UBE4A: variants seen among roughly 807,000 people sequenced by gnomAD.
The protein encoded by UBE4A is ubiquitin conjugation factor E4 A.
A neutral mutation model predicts 117.9 loss-of-function variants in UBE4A; 48 were observed. The ratio of observed to expected loss-of-function variants is 0.41; its 90% confidence interval spans 0.32 to 0.52. The LOEUF (loss-of-function observed/expected upper bound fraction) is 0.52, where lower values mean the gene tolerates loss of function less well. Among genes scored for constraint, UBE4A ranks in the 20% least tolerant of loss-of-function variants. The pLI is 0.33. For missense variants in UBE4A, 1,067 were observed against 1,296.3 expected (o/e 0.82, Z 2.72); for synonymous variants, 407 against 450.0 (o/e 0.90, Z 1.21).
intron 10 of UBE4A, 31 bp downstream of exon 10, chr11:118,376,725 A>G (rs144798607): frequency 1.9e-6 from 3 of 1,607,850 alleles, no homozygotes; most frequent in African/African-American, 2.7e-5. Context: ...AGGAAAAAAC[A>G]GTTTAGTTGT....
chr11:118,388,610 C>T (rs1948781500), intron 16 of UBE4A, among the ~76,000 whole-genome samples: 1 of 150,762 alleles, frequency 6.6e-6, no homozygotes, highest in Non-Finnish European at 1.5e-5. Flanking sequence ...GATCACGCCA[C>T]TGCGCTCCAG....
At position 118,382,739 on chromosome 11, in the gene UBE4A, G is replaced by A; in HGVS notation, c.2160G>A (p.Glu720=). The A allele has an allele frequency of 6.2e-7, 1 of 1,600,188 alleles. No homozygotes were observed. Among genetic ancestry groups the A allele is most frequent in the Non-Finnish European group, 8.5e-7 (1 of 1,171,484 alleles). ...CNFQYAPQLA[E]ALIKVFVDIE... Reference sequence around the variant, plus strand: ...TTCAGTATGCACCCCAACTTGCAGAGGCTCTAATCAAGGTTTTTGTGGACA... The same window carrying A: ...TTCAGTATGCACCCCAACTTGCAGAAGCTCTAATCAAGGTTTTTGTGGACA... Residue 720 remains glutamate, a synonymous_variant, in exon 13 of 20, where the codon GAG becomes GAA. Coordinates refer to ENST00000252108, the MANE Select transcript of UBE4A (RefSeq NM_001204077.2).
intron 4 of UBE4A, among the ~76,000 whole-genome samples, 161 bp downstream of exon 4, chr11:118,369,696 C>T (rs1465495123): frequency 6.7e-6 from 1 of 148,774 alleles, no homozygotes; most frequent in Non-Finnish European, 1.5e-5. Flanking sequence ...CCTGGATGTG[C>T]ATCTCTAACA....
chr11:118,359,854 T>G (rs998302683), intron 1 of UBE4A, among the ~76,000 whole-genome samples, 180 bp downstream of exon 1: 1 of 152,170 alleles, frequency 6.6e-6, no homozygotes, highest in African/African-American at 2.4e-5. Flanking sequence ...TTGGAACCCC[T>G]TACAGTGCCC....
chr11:118,399,190 TA>T lies in UBE4A; in HGVS notation c.*2753del, dbSNP rs1392469901. 4 of 377,282 alleles carry T rather than the reference TA, an allele frequency of 1.1e-5. No individual in the cohort carries two copies. The highest frequency in any genetic ancestry group is 2.2e-5 in the Non-Finnish European group (4 of 182,812). The allele number at this position is 377,282 out of a possible 1,614,324, so 23.4% of individuals were successfully genotyped here. On this transcript the variant is annotated 3_prime_UTR_variant, in exon 20 of 20. Coordinates refer to ENST00000252108, the MANE Select transcript of UBE4A (RefSeq NM_001204077.2). ...GTGTTTGTTCAAAACTTGTATTTAA[TA>T]AATGAACATCTGACTTACAACCTTT... is the stretch of plus-strand genomic sequence containing the variant.
At chr11:118,361,007 TA>T (rs1329835481) in intron 1 of UBE4A, among the ~76,000 whole-genome samples, 3,081 of 104,324 alleles carry the variant, frequency 0.03, 37 homozygotes, top group South Asian at 0.06. Context: ...TGTGTGTGTG[TA>T]TTTTTTTTTT....
chr11:118,396,529 C>T lies in UBE4A; in HGVS notation c.*89C>T, dbSNP rs1784250. On this transcript the variant is annotated 3_prime_UTR_variant, in exon 20 of 20. Transcript: ENST00000252108. Reference sequence around the variant, plus strand: ...CTCTCTTTCTGGTTCTGTTCCTTTTCTTTCTTCTTTTCTTTTTCTTTTTTT... The same window carrying T: ...CTCTCTTTCTGGTTCTGTTCCTTTTTTTTCTTCTTTTCTTTTTCTTTTTTT... 1.4e-5 allele frequency: 16 copies of T among 1,181,578 alleles called. No homozygotes were observed. The highest frequency in any genetic ancestry group is 6.7e-5 in the South Asian group (4 of 59,614). The allele number at this position is 1,181,578 out of a possible 1,614,324, so 73.2% of individuals were successfully genotyped here.
chr11:118,368,531 C>A, intron 2 of UBE4A, 100 bp from the exon 3 acceptor site: 2 of 1,332,022 alleles, frequency 1.5e-6, no homozygotes, highest in Non-Finnish European at 2.1e-6. Context: ...TGTTTTACAT[C>A]TGAAATTATC....
At chr11:118,395,860 A>AG (rs1190143009) in intron 19 of UBE4A, among the ~76,000 whole-genome samples, 1 of 152,166 alleles carries the variant, frequency 6.6e-6, no homozygotes, top group Non-Finnish European at 1.5e-5. Context: ...GGATCACTTG[A>AG]GGCCAGGAGT....
chr11:118,384,229 G>T (rs1948734002), intron 13 of UBE4A, among the ~76,000 whole-genome samples: 1 of 152,202 alleles, frequency 6.6e-6, no homozygotes, highest in African/African-American at 2.4e-5. Context: ...TGGCTACACA[G>T]TTTGGGATAT....
chr11:118,369,321 C>T, intron 3 of UBE4A, 102 bp from the exon 4 acceptor site: 1 of 774,660 alleles, frequency 1.3e-6, no homozygotes, highest in Non-Finnish European at 2.2e-6. Flanking sequence ...TCTGGTATTA[C>T]TTGAGTCAGA....
In UBE4A at chr11:118,369,542, T is replaced by G. The variant is rs201737609; in HGVS notation, c.408+7T>G. 1.1e-5 allele frequency: 17 copies of G among 1,609,496 alleles called. No homozygotes were observed. In the Admixed American group the frequency reaches 2.5e-4, roughly 24 times the overall value. ...TATGAGCAATGTTGAGCAGGTAATA[T>G]TCTTACGTTCCTAATGTGTGCCCTT... On this transcript the variant is annotated splice_region_variant and intron_variant, in intron 4 of 19. Coordinates refer to ENST00000252108, the MANE Select transcript of UBE4A (RefSeq NM_001204077.2).
In UBE4A at chr11:118,389,759, T is replaced by C; in HGVS notation, c.2622T>C (p.Ala874=). ...CACTCTTTGTGCATCCCTTCCTGGC[T>C]GAGCGCATCATCTCCATGTTGAACT... The part of the protein sequence containing the change: ...IKSLFVHPFL[A]ERIISMLNYF... Residue 874 remains alanine (A), a synonymous_variant, in exon 17 of 20, where the codon GCT becomes GCC. Transcript: ENST00000252108. 6.2e-7 allele frequency: 1 copy of C among 1,613,056 alleles called. No homozygotes were observed. The highest frequency in any genetic ancestry group is 1.1e-5 in the South Asian group (1 of 91,034).
chr11:118,392,498 T>C (rs2134113841), intron 18 of UBE4A, among the ~76,000 whole-genome samples: 1 of 152,324 alleles, frequency 6.6e-6, no homozygotes. Flanking sequence ...CCATTTCCAG[T>C]ATGACTGCCA....
chr11:118,376,677 G>A lies in UBE4A; in HGVS notation c.1554G>A (p.Leu518=). Residue 518 remains leucine (L), a synonymous_variant, in exon 10 of 20, where the codon TTG becomes TTA. Transcript: ENST00000252108. ...TENLALTEYT[L]YLGFHRLHDQ... ...ACCTTGCTCTGACAGAGTACACCTT[G>A]TACTTGGGATTTCACAGGTAACTCC... 6.2e-7 allele frequency: 1 copy of A among 1,613,656 alleles called. No homozygotes were observed. The highest frequency in any genetic ancestry group is 8.5e-7 in the Non-Finnish European group (1 of 1,179,852).
In UBE4A at chr11:118,389,925, G is replaced by C. The variant is rs1555127962; in HGVS notation, c.2768+20G>C. ...TCTTGGGTACCTGAGATTGAAATCT[G>C]TCAAGCCAGAGGGGATGCTGTTTTG... On this transcript the variant is annotated intron_variant, in intron 17 of 19. Transcript: ENST00000252108. 2.6e-6 allele frequency: 4 copies of C among 1,549,148 alleles called. No homozygotes were observed. The South Asian group carries it at 4.8e-5, about 19-fold the overall frequency.
At chr11:118,368,305 A>G (rs1356346206) in intron 2 of UBE4A, among the ~76,000 whole-genome samples, 2 of 152,246 alleles carry the variant, frequency 1.3e-5, no homozygotes, top group Admixed American at 6.5e-5. Flanking sequence ...CCATACATTT[A>G]AAATAATTAA....
intron 16 of UBE4A, among the ~76,000 whole-genome samples, chr11:118,389,180 G>A (rs1025787358): frequency 6.6e-6 from 1 of 152,144 alleles, no homozygotes; most frequent in Non-Finnish European, 1.5e-5. Flanking sequence ...TTCTGTGATG[G>A]TGAAAATGTC....
At position 118,372,718 on chromosome 11, in the gene UBE4A, A is replaced by C. The variant is rs182829667; in HGVS notation, c.721+52A>C. 3.2e-5 allele frequency: 51 copies of C among 1,604,674 alleles called. No homozygotes were observed. In the East Asian group the frequency reaches 1.1e-3, roughly 35 times the overall value. ...CTTCTACATTTTGATTTTCAGATTT[A>C]AAATTTCACTAATTGCATTAGAAAG... On this transcript the variant is annotated intron_variant, in intron 6 of 19. Transcript: ENST00000252108.
Sources: allele counts gnomAD v4.1 joint callset (sites outside exome capture counted in the v4.1 genomes callset), GRCh38; gene constraint gnomAD v4.1.1; transcripts MANE v1.5; gene names NCBI Gene and HGNC (gene_info 2026-07-23, HGNC 2026-07-21).